ADCY3: variants seen among roughly 807,000 people sequenced by gnomAD.
The protein encoded by ADCY3 is adenylate cyclase type 3.
ADCY3 carries 70 observed loss-of-function variants against 119.4 expected under a neutral mutation model. The observed-to-expected ratio is 0.59, with a 90% CI of 0.48 to 0.72. The LOEUF (loss-of-function observed/expected upper bound fraction) is 0.72. Among genes scored for constraint, ADCY3 ranks in the 30% least tolerant of loss-of-function variants. The pLI, the probability that ADCY3 is intolerant of heterozygous loss-of-function variation, is 0.00. For missense variants in ADCY3, 1,238 were observed against 1,541.6 expected (o/e 0.80, Z 3.30); for synonymous variants, 672 against 621.4 (o/e 1.08, Z -1.21).
intron 3 of ADCY3, among the ~76,000 whole-genome samples, chr2:24,855,349 TAA>T (rs1461573379): frequency 1.3e-5 from 2 of 152,274 alleles, no homozygotes; most frequent in East Asian, 1.9e-4. Flanking sequence ...GAAGAATTTT[TAA>T]AGAGTCAAAC....
rs61732745 is a variant in ADCY3 at position 24,918,565 on chromosome 2, G to A, written c.423C>T (p.Tyr141=). 0.093 allele frequency: 149,990 copies of A among 1,614,078 alleles called. 8,066 individuals are homozygous for A. The highest frequency in any genetic ancestry group is 0.21 in the African/African-American group (15,830 of 75,018). ...PDRVTRRVLP[Y]VLWLLITAQI... is the part of the protein sequence containing the mutation. ...GGGCGGTTATGAGCAGCCACAGCACGTAGGGCAGCACTCTGCGGGTGACCC... is the reference window on the plus strand; with the variant it reads ...GGGCGGTTATGAGCAGCCACAGCACATAGGGCAGCACTCTGCGGGTGACCC... The change falls in exon 2 of 22, where the codon TAC becomes TAT. Residue 141 remains tyrosine, a synonymous_variant. Transcript: ENST00000679454. The surrounding 1 kb of genome is among the most constrained non-coding windows in gnomAD (Gnocchi z 5.4).
At chr2:24,884,206 C>T (rs888630207) in intron 2 of ADCY3, among the ~76,000 whole-genome samples, 2 of 152,038 alleles carry the variant, frequency 1.3e-5, no homozygotes, top group Non-Finnish European at 2.9e-5. Flanking sequence ...GGTGCACCAG[C>T]GTCCCAAAGG....
intron 3 of ADCY3, among the ~76,000 whole-genome samples, chr2:24,856,970 A>T (rs1351906620): frequency 6.6e-6 from 1 of 152,212 alleles, no homozygotes; most frequent in East Asian, 1.9e-4. Context: ...CAGCATGAGA[A>T]CAGGCACCAG....
At chr2:24,900,521 G>A (rs1029812945) in intron 2 of ADCY3, among the ~76,000 whole-genome samples, 1 of 152,042 alleles carries the variant, frequency 6.6e-6, no homozygotes, top group Admixed American at 6.6e-5. Context: ...CAGCTAGGCA[G>A]GATGGACAAG....
chr2:24,839,707 C>T (rs962574427), intron 7 of ADCY3, among the ~76,000 whole-genome samples, 166 bp downstream of exon 7: 2 of 152,192 alleles, frequency 1.3e-5, no homozygotes, highest in African/African-American at 2.4e-5. Flanking sequence ...TCAGAACGGC[C>T]TTAGCCAGGG....
chr2:24,861,058 T>C (rs1289442531), intron 3 of ADCY3, among the ~76,000 whole-genome samples: 2 of 152,124 alleles, frequency 1.3e-5, no homozygotes, highest in African/African-American at 2.4e-5. Flanking sequence ...TGAGACCAGC[T>C]TGGCCAACAT....
intron 21 of ADCY3, 67 bp from the exon 22 acceptor site, chr2:24,820,181 C>T (rs1199678042): frequency 1.8e-6 from 2 of 1,122,472 alleles, no homozygotes; most frequent in East Asian, 2.7e-5. Context: ...CGGGTGGGGG[C>T]TTTGGGTGGT....
At position 24,841,330 on chromosome 2, in the gene ADCY3, G is replaced by C. The variant is rs1415453498; in HGVS notation, c.1125C>G (p.Gly375=). The C allele has an allele frequency of 1.9e-5, 30 of 1,597,700 alleles. No individual in the cohort carries two copies. Among genetic ancestry groups the C allele is most frequent in the Non-Finnish European group, 2.4e-5 (28 of 1,172,616 alleles). The stretch of plus-strand genomic sequence containing the variant: ...CGTGGTCCTCCCGGTAGTCGGGCAA[G>C]CCGCAGATGCAGTAGTAGCAGTCGC... ...ILGDCYYCIC[G]LPDYREDHAV... is the part of the protein sequence containing the mutation. Residue 375 remains glycine, a synonymous_variant, in exon 6 of 22, where the codon GGC becomes GGG. Transcript: ENST00000679454. This position sits in a 1 kb window ranked among gnomAD's most constrained non-coding sequence, Gnocchi z 5.8.
chr2:24,845,276 CAGA>C (rs1490927069), intron 3 of ADCY3, among the ~76,000 whole-genome samples: 2 of 152,178 alleles, frequency 1.3e-5, no homozygotes, highest in African/African-American at 4.8e-5. Flanking sequence ...TTGGAGGGCT[CAGA>C]AGAAGACAGG....
intron 2 of ADCY3, among the ~76,000 whole-genome samples, chr2:24,904,703 A>C (rs1679275327): frequency 6.6e-6 from 1 of 151,890 alleles, no homozygotes; most frequent in South Asian, 2.1e-4. Flanking sequence ...ATGCAGTGGC[A>C]CAATCTCGGC....
chr2:24,840,149 G>T, intron 6 of ADCY3, 118 bp from the exon 7 acceptor site: 1 of 1,365,748 alleles, frequency 7.3e-7, no homozygotes, highest in Non-Finnish European at 1.0e-6. Context: ...GAGGGGGCCT[G>T]GCAAGGTCCC....
At chr2:24,881,500 A>AC (rs575779557) in intron 2 of ADCY3, among the ~76,000 whole-genome samples, 1 of 151,428 alleles carries the variant, frequency 6.6e-6, no homozygotes, top group Non-Finnish European at 1.5e-5. Context: ...TGCAAAGGAG[A>AC]CCCCCCTACA....
chr2:24,914,352 A>T (rs560296000), intron 2 of ADCY3, among the ~76,000 whole-genome samples: 7 of 152,140 alleles, frequency 4.6e-5, no homozygotes, highest in Non-Finnish European at 8.8e-5. Flanking sequence ...GGTGACAGTG[A>T]ACCAGTTATC....
intron 18 of ADCY3, 42 bp downstream of exon 18, chr2:24,823,167 G>C: frequency 2.5e-6 from 4 of 1,588,990 alleles, no homozygotes; most frequent in Non-Finnish European, 3.4e-6. Flanking sequence ...TGTGGAATGG[G>C]CCGGCTTCAT....
At chr2:24,883,391 C>T (rs1209544396) in intron 2 of ADCY3, among the ~76,000 whole-genome samples, 1 of 151,894 alleles carries the variant, frequency 6.6e-6, no homozygotes, top group Non-Finnish European at 1.5e-5. Flanking sequence ...AGAGGATGTG[C>T]AGCTCGATTC....
intron 3 of ADCY3, among the ~76,000 whole-genome samples, chr2:24,858,321 A>G (rs1673250744): frequency 6.6e-6 from 1 of 152,194 alleles, no homozygotes; most frequent in African/African-American, 2.4e-5. Context: ...TGAGTCAAAA[A>G]TCCAGGTTTT....
In ADCY3 at chr2:24,847,208, G is replaced by C. The variant is rs544229521; in HGVS notation, c.826-4824C>G. The stretch of plus-strand genomic sequence containing the variant: ...TCGTGATAGCAAATAAGTCTCACAA[G>C]GTCTGATGGGTTTATTAGGAGTTTC... On this transcript the variant is annotated intron_variant, in intron 3 of 21. Transcript: ENST00000679454. 2.3e-4 allele frequency among the ~76,000 whole-genome samples: 35 copies of C among 152,256 alleles called. 1 individual carries two copies. The South Asian group carries it at 7.3e-3, about 32-fold the overall frequency.
At chr2:24,868,742 C>T (rs564431468) in intron 3 of ADCY3, among the ~76,000 whole-genome samples, 5 of 152,022 alleles carry the variant, frequency 3.3e-5, no homozygotes, top group Non-Finnish European at 7.4e-5. Flanking sequence ...AGAGGCTGGG[C>T]GCGGTGGCTC....
chr2:24,831,511 T>G (rs1174713179), intron 12 of ADCY3, 151 bp downstream of exon 12: 1 of 678,356 alleles, frequency 1.5e-6, no homozygotes, highest in African/African-American at 1.8e-5. Flanking sequence ...TGATGGTGAA[T>G]GAATGGATGG....
Sources: gnomAD v4.1 joint callset for allele counts (sites outside exome capture counted in the v4.1 genomes callset) on GRCh38, gnomAD v4.1.1 for gene constraint, Gnocchi (gnomAD v3.1) non-coding constraint, MANE v1.5 for transcripts, NCBI Gene and HGNC (gene_info 2026-07-23, HGNC 2026-07-21) for gene names.